Variants in SLFN12L observed in about 807,000 individuals in gnomAD.
SLFN12L encodes the protein schlafen family member 12 like.
SLFN12L carries 34 observed loss-of-function variants against 34.8 expected under a neutral mutation model. That is an observed-to-expected ratio of 0.98 (90% CI 0.74 to 1.30). SLFN12L has a LOEUF of 1.30. Among genes scored for constraint, SLFN12L ranks in the 50% most tolerant of loss-of-function variants. The probability of loss-of-function intolerance (pLI) is 0.00; values close to 1 mark genes in which losing one functional copy is unlikely to be tolerated. For missense variants in SLFN12L, 703 were observed against 696.2 expected, an observed-to-expected ratio of 1.01 and a Z score of -0.11; for synonymous variants, 259 against 247.5, an observed-to-expected ratio of 1.05 and a Z score of -0.44.
chr17:35,496,122 C>A (rs529138049), intron 2 of SLFN12L, among the ~76,000 whole-genome samples: 24 of 152,068 alleles, frequency 1.6e-4, no homozygotes, highest in African/African-American at 5.3e-4. Flanking sequence ...GAACTAAGGA[C>A]GTGACCAGTT....
chr17:35,482,091 C>G (rs540541832), intron 2 of SLFN12L, among the ~76,000 whole-genome samples: 96 of 152,256 alleles, frequency 6.3e-4, no homozygotes, highest in African/African-American at 2.2e-3. Flanking sequence ...CGATGATGAT[C>G]CTGACCTCAG....
At chr17:35,478,506 A>T (rs1914137585) in intron 3 of SLFN12L, 1 of 197,226 alleles carries the variant, frequency 5.1e-6, no homozygotes, top group South Asian at 9.5e-5. Context: ...TGTGATGGCT[A>T]GTGAAGGAAA....
At chr17:35,524,592 G>A (rs1044214168) in intron 1 of SLFN12L, among the ~76,000 whole-genome samples, 1 of 152,232 alleles carries the variant, frequency 6.6e-6, no homozygotes, top group African/African-American at 2.4e-5. Flanking sequence ...GGGGTCTGCA[G>A]TGGACCTCCA....
rs9914149 is a variant in SLFN12L at position 35,512,781 on chromosome 17, G to A, written c.86+9498C>T. On this transcript the variant is annotated intron_variant, in intron 2 of 4. Coordinates refer to ENST00000628453, the MANE Select transcript of SLFN12L (RefSeq NM_001363830.2). ...GCTTAATCAACTGTGAAATGAAGAC[G>A]ATATCACTGCCTTTTCAGGCATTAG... Among the ~76,000 whole-genome samples, 160 of 152,326 alleles carry A rather than the reference G, an allele frequency of 1.1e-3. 1 individual carries two copies. The highest frequency in any genetic ancestry group is 3.7e-3 in the African/African-American group (155 of 41,588).
intron 2 of SLFN12L, among the ~76,000 whole-genome samples, chr17:35,494,289 G>A (rs1914958926): frequency 1.3e-5 from 2 of 151,760 alleles, no homozygotes; most frequent in African/African-American, 2.4e-5. Context: ...GTTACAGGGT[G>A]ACCTGTTCTC....
At chr17:35,505,558 G>A (rs758067262) in intron 2 of SLFN12L, among the ~76,000 whole-genome samples, 17 of 152,144 alleles carry the variant, frequency 1.1e-4, no homozygotes, top group African/African-American at 3.1e-4. Context: ...GAAAATCCCC[G>A]CATAACCATT....
chr17:35,498,176 C>CGGAAGCATCTCGATCCGGGA (rs1351940257), intron 2 of SLFN12L: 78 of 272,342 alleles, frequency 2.9e-4, no homozygotes, highest in Admixed American at 7.0e-4. Context: ...ATCCGGGAGG[C>CGGAAGCATCTCGATCCGGGA]GGCGGCGTGG....
intron 1 of SLFN12L, among the ~76,000 whole-genome samples, chr17:35,524,459 C>T (rs2072314640): frequency 1.3e-5 from 2 of 152,238 alleles, no homozygotes; most frequent in Non-Finnish European, 2.9e-5. Flanking sequence ...CCAACAAACA[C>T]CTCATACAAG....
In SLFN12L at chr17:35,487,947, G is replaced by A. The variant is rs181663675; in HGVS notation, c.87-7752C>T. The A allele has an allele frequency of 1.1e-3, 767 of 693,898 alleles. 8 individuals are homozygous for A. In the African/African-American group the frequency reaches 0.012, roughly 11 times the overall value. The allele number at this position is 693,898 out of a possible 1,614,324, so 43.0% of individuals were successfully genotyped here. The stretch of plus-strand genomic sequence containing the variant: ...TCCAACGACGGGCGCGGTGACTCAC[G>A]CCTGTAATCCCAGCACTTTGGGAGG... On this transcript the variant is annotated intron_variant, in intron 2 of 4. Coordinates refer to ENST00000628453, the MANE Select transcript of SLFN12L (RefSeq NM_001363830.2).
At chr17:35,484,012 C>A (rs1395154313) in intron 2 of SLFN12L, among the ~76,000 whole-genome samples, 2 of 152,148 alleles carry the variant, frequency 1.3e-5, no homozygotes, top group Non-Finnish European at 2.9e-5. Flanking sequence ...GGAAAAAGAA[C>A]CGTCTATTCC....
rs1448912138 is a variant in SLFN12L at position 35,493,058 on chromosome 17, A to C, written c.87-12863T>G. Among the ~76,000 whole-genome samples, 3 of 152,248 alleles carry C rather than the reference A, an allele frequency of 2.0e-5. No homozygotes were observed. In the East Asian group the frequency reaches 5.8e-4, roughly 29 times the overall value. The stretch of plus-strand genomic sequence containing the variant: ...CAATATGCAAAGTGGTGGTGGGGTC[A>C]AGACAGGTGACACCAGCACTTTAAA... On this transcript the variant is annotated intron_variant, in intron 2 of 4. Transcript: ENST00000628453.
chr17:35,532,953 T>C (rs914057314), intron 1 of SLFN12L, among the ~76,000 whole-genome samples: 4 of 152,204 alleles, frequency 2.6e-5, no homozygotes, highest in African/African-American at 9.7e-5. Context: ...CATTATTAAA[T>C]ATATATTGTT....
intron 2 of SLFN12L, among the ~76,000 whole-genome samples, chr17:35,500,644 G>A (rs998359093): frequency 1.3e-5 from 2 of 152,010 alleles, no homozygotes; most frequent in South Asian, 2.1e-4. Flanking sequence ...CAGGAGAATG[G>A]CATGAACCCA....
intron 2 of SLFN12L, chr17:35,489,910 C>A: frequency 1.0e-6 from 1 of 987,804 alleles, no homozygotes; most frequent in Non-Finnish European, 1.5e-6. Flanking sequence ...TTATACAGCA[C>A]AGCATCTTAT....
chr17:35,530,763 G>T (rs1339318415), intron 1 of SLFN12L, among the ~76,000 whole-genome samples: 2 of 152,044 alleles, frequency 1.3e-5, no homozygotes, highest in African/African-American at 4.8e-5. Context: ...TGAGAAGGGG[G>T]CTCCTAAGAC....
intron 2 of SLFN12L, among the ~76,000 whole-genome samples, chr17:35,487,129 T>A (rs976476922): frequency 1.3e-5 from 2 of 152,152 alleles, no homozygotes; most frequent in African/African-American, 4.8e-5. Flanking sequence ...TCCAGGAGGG[T>A]GGGCAACCCC....
intron 1 of SLFN12L, among the ~76,000 whole-genome samples, chr17:35,530,426 G>GAAGGA (rs1555545932): frequency 9.4e-5 from 1 of 10,656 alleles, no homozygotes; most frequent in Admixed American, 1.2e-3. Flanking sequence ...AGGAAGGAAG[G>GAAGGA]AAGGGAAGGG....
At chr17:35,510,457 G>A (rs1432380357) in intron 2 of SLFN12L, among the ~76,000 whole-genome samples, 2 of 152,212 alleles carry the variant, frequency 1.3e-5, no homozygotes, top group African/African-American at 4.8e-5. Flanking sequence ...GCTGCAACAC[G>A]GATGAACTTG....
rs1913802191 is a variant in SLFN12L at position 35,471,236 on chromosome 17, A to G, written c.*3687T>C. Among the ~76,000 whole-genome samples the G allele has an allele frequency of 1.3e-5, 2 of 151,580 alleles. No individual in the cohort carries two copies. The highest frequency in any genetic ancestry group is 2.4e-5 in the African/African-American group (1 of 41,216). ...ACTGCAACCTCTGCCTCCCGGGTTC[A>G]AGCAATTTTCATGTCTCAGCCTCCC... On this transcript the variant is annotated 3_prime_UTR_variant, in exon 5 of 5. Transcript: ENST00000628453.
Sources: allele counts gnomAD v4.1 joint callset (sites outside exome capture counted in the v4.1 genomes callset), GRCh38; gene constraint gnomAD v4.1.1; transcripts MANE v1.5; gene names NCBI Gene and HGNC (gene_info 2026-07-23, HGNC 2026-07-21).